Variants in PRIM2 observed in about 807,000 individuals in gnomAD.
PRIM2 encodes DNA primase large subunit.
In PRIM2, 39 loss-of-function variants were observed where a neutral mutation model predicts 67.3. The observed-to-expected ratio is 0.58, with a 90% CI of 0.45 to 0.76. The LOEUF (loss-of-function observed/expected upper bound fraction) is 0.76, where lower values mean the gene tolerates loss of function less well. Ranked by LOEUF, PRIM2 falls within the 30% of genes least tolerant of loss-of-function variation. The probability of loss-of-function intolerance (pLI) is 0.00; values close to 1 mark genes in which losing one functional copy is unlikely to be tolerated. For missense variants in PRIM2, 398 were observed against 598.7 expected (o/e 0.66, Z 3.50); for synonymous variants, 143 against 198.7 (o/e 0.72, Z 2.36).
intron 7 of PRIM2, among the ~76,000 whole-genome samples, chr6:57,503,265 A>T (rs1774177945): frequency 6.6e-6 from 1 of 152,192 alleles, no homozygotes; most frequent in African/African-American, 2.4e-5. Flanking sequence ...TCAGATAGTG[A>T]TAAATGTTGT....
chr6:57,362,402 G>C (rs1035907511), intron 5 of PRIM2, among the ~76,000 whole-genome samples: 3 of 152,054 alleles, frequency 2.0e-5, no homozygotes, highest in African/African-American at 7.2e-5. Flanking sequence ...AATAAACGTG[G>C]CTGCATCAGT....
the PRIM2 span, among the ~76,000 whole-genome samples, chr6:57,269,782 T>C: frequency 2.6e-5 from 4 of 152,198 alleles, no homozygotes; most frequent in Non-Finnish European, 5.9e-5. Flanking sequence ...TGTAAGTCTT[T>C]AATCCATCTT....
At chr6:57,440,161 A>G (rs1772156178) in intron 7 of PRIM2, among the ~76,000 whole-genome samples, 1 of 150,720 alleles carries the variant, frequency 6.6e-6, no homozygotes, top group Non-Finnish European at 1.5e-5. Context: ...TTCTAGCTCA[A>G]ATTGTATTAT....
intron 5 of PRIM2, among the ~76,000 whole-genome samples, chr6:57,341,223 G>C (rs1390090097): frequency 1.3e-5 from 2 of 152,186 alleles, no homozygotes. Context: ...GTGATTCTCA[G>C]TGGGGGGATA....
chr6:57,245,140 C>A, the PRIM2 span, among the ~76,000 whole-genome samples: 1 of 152,152 alleles, frequency 6.6e-6, no homozygotes, highest in Admixed American at 6.5e-5. Flanking sequence ...GGCTTAGGTG[C>A]AGGCCTACCC....
chr6:57,277,573 AGCAGAAGCCGGGGGGTGGTAGGGAGT>A, the PRIM2 span, among the ~76,000 whole-genome samples: 295 of 152,272 alleles, frequency 1.9e-3, 2 homozygotes, highest in African/African-American at 7.0e-3. Context: ...TTGGGAACAC[AGCAGAAGCCGGGGGGTGGTAGGGAGT>A]GTTGGAGCCT....
chr6:57,585,949 A>G (rs1461627730), intron 10 of PRIM2, among the ~76,000 whole-genome samples: 2 of 152,178 alleles, frequency 1.3e-5, no homozygotes, highest in African/African-American at 4.8e-5. Flanking sequence ...CATGGGTAGA[A>G]CTTATGCCCA....
the PRIM2 span, among the ~76,000 whole-genome samples, chr6:57,305,328 G>T: frequency 1.3e-5 from 2 of 152,176 alleles, no homozygotes; most frequent in African/African-American, 4.8e-5. Flanking sequence ...CTGGAATTAG[G>T]GATAAGTACA....
upstream of PRIM2, among the ~76,000 whole-genome samples, chr6:57,313,284 G>A (rs1016445814): frequency 6.6e-6 from 1 of 152,034 alleles, no homozygotes; most frequent in African/African-American, 2.4e-5. Context: ...TTTCTGTTTA[G>A]TAGTTGTTAT....
chr6:57,380,667 A>G (rs915632784), intron 6 of PRIM2, among the ~76,000 whole-genome samples: 3 of 151,962 alleles, frequency 2.0e-5, no homozygotes, highest in Non-Finnish European at 2.9e-5. Flanking sequence ...AGTGAGTGCC[A>G]GTAGTTTAAA....
chr6:57,292,945 G>T, the PRIM2 span, among the ~76,000 whole-genome samples: 2 of 152,014 alleles, frequency 1.3e-5, no homozygotes, highest in Non-Finnish European at 2.9e-5. Flanking sequence ...ACTTCATGAT[G>T]AAAACACCAA....
intron 10 of PRIM2, among the ~76,000 whole-genome samples, chr6:57,588,382 T>A (rs1168720414): frequency 0.38 from 54,820 of 145,122 alleles, 10,796 homozygotes; most frequent in East Asian, 0.65. Flanking sequence ...TGAGGGTAGA[T>A]TGTGTTGTCC....
chr6:57,346,710 T>G (rs1328530447), intron 5 of PRIM2, among the ~76,000 whole-genome samples: 2 of 152,198 alleles, frequency 1.3e-5, no homozygotes, highest in African/African-American at 4.8e-5. Flanking sequence ...GCTGAAGTCT[T>G]GTGTCATGGT....
In PRIM2 at chr6:57,476,618, A is replaced by C. The variant is rs1200361232; in HGVS notation, c.694-30769A>C. ...ATCATTGTATTTGCATTATAGCATA[A>C]TCAGCTGTGAAAGATGAATTTTCAG... On this transcript the variant is annotated intron_variant, in intron 7 of 13. Transcript: ENST00000615550. 2.6e-5 allele frequency among the ~76,000 whole-genome samples: 4 copies of C among 152,372 alleles called. No individual in the cohort carries two copies. The East Asian group carries it at 7.7e-4, about 29-fold the overall frequency.
chr6:57,507,739 G>T, intron 8 of PRIM2, among the ~76,000 whole-genome samples: 1 of 152,004 alleles, frequency 6.6e-6, no homozygotes. Context: ...GATCTCAAAT[G>T]AATGAGCTAT....
chr6:57,233,565 T>A, the PRIM2 span, among the ~76,000 whole-genome samples: 1 of 152,006 alleles, frequency 6.6e-6, no homozygotes, highest in African/African-American at 2.4e-5. Flanking sequence ...AGGGGTAACA[T>A]CTTGTTAACA....
At chr6:57,381,892 G>C in intron 6 of PRIM2, 139 bp from the exon 7 acceptor site, 3 of 870,712 alleles carry the variant, frequency 3.4e-6, no homozygotes, top group Non-Finnish European at 4.9e-6. Context: ...GTTTTAAGGA[G>C]GATAAATTAA....
chr6:57,551,669 A>G (rs2127475164), intron 10 of PRIM2, among the ~76,000 whole-genome samples: 1 of 152,168 alleles, frequency 6.6e-6, no homozygotes, highest in South Asian at 2.1e-4. Context: ...TGAACAATAT[A>G]GAAAAAAAAA....
At chr6:57,223,209 A>AT in the PRIM2 span, among the ~76,000 whole-genome samples, 1 of 152,362 alleles carries the variant, frequency 6.6e-6, no homozygotes, top group East Asian at 1.9e-4. Context: ...TACACATGGC[A>AT]TAAGTCCATT....
Sources: allele counts gnomAD v4.1 joint callset (sites outside exome capture counted in the v4.1 genomes callset), GRCh38; gene constraint gnomAD v4.1.1; transcripts MANE v1.5; gene names NCBI Gene and HGNC (gene_info 2026-07-23, HGNC 2026-07-21).